The following RAB31 variants were observed in gnomAD, a reference collection of about 807,000 sequenced individuals.
The protein encoded by RAB31 is ras-related protein Rab-31.
Under a neutral mutation model 25.6 loss-of-function variants are expected in RAB31, and 21 were observed. That is an observed-to-expected ratio of 0.82 (90% CI 0.58 to 1.18). The LOEUF is 1.18. Among genes scored for constraint, RAB31 ranks in the 50% most tolerant of loss-of-function variants. The pLI is 0.00. For synonymous variants in RAB31, 87 were observed against 84.0 expected (o/e 1.04, Z -0.20); for missense variants, 196 against 250.1 (o/e 0.78, Z 1.46).
intron 5 of RAB31, among the ~76,000 whole-genome samples, chr18:9,835,298 G>A (rs561742266): frequency 6.6e-6 from 1 of 152,108 alleles, no homozygotes; most frequent in African/African-American, 2.4e-5. Context: ...ACGGCAGCTG[G>A]TATGATCCGC....
chr18:9,833,019 C>G (rs181991626), intron 5 of RAB31, among the ~76,000 whole-genome samples: 1 of 152,108 alleles, frequency 6.6e-6, no homozygotes, highest in East Asian at 1.9e-4. Flanking sequence ...CGCCTACTGC[C>G]TGGACCTCGA....
chr18:9,742,547 A>C (rs1021630837), intron 1 of RAB31, among the ~76,000 whole-genome samples: 1 of 152,160 alleles, frequency 6.6e-6, no homozygotes, highest in Non-Finnish European at 1.5e-5. Context: ...TTTGTTTTCT[A>C]ATAAAAGATG....
chr18:9,847,435 G>T (rs1187101478), intron 6 of RAB31, among the ~76,000 whole-genome samples: 1 of 152,156 alleles, frequency 6.6e-6, no homozygotes, highest in South Asian at 2.1e-4. Flanking sequence ...CTGGTGCCTT[G>T]TATGACCTGA....
intron 1 of RAB31, among the ~76,000 whole-genome samples, chr18:9,715,475 C>T (rs1394969232): frequency 6.6e-6 from 1 of 151,266 alleles, no homozygotes; most frequent in African/African-American, 2.4e-5. Context: ...TGAATGTCCC[C>T]TAGATTCAGC....
At chr18:9,756,235 T>C (rs1021720407) in intron 1 of RAB31, among the ~76,000 whole-genome samples, 2 of 152,236 alleles carry the variant, frequency 1.3e-5, no homozygotes, top group Non-Finnish European at 2.9e-5. Flanking sequence ...GACCCTGATA[T>C]AGTTAACCTT....
Position 9,708,782 on chromosome 18 carries a change from G to T in RAB31, c.39+338G>T, listed in dbSNP as rs953555329. Among the ~76,000 whole-genome samples, 1 of 152,088 alleles carries T rather than the reference G, an allele frequency of 6.6e-6. No individual in the cohort carries two copies. The highest frequency in any genetic ancestry group is 2.1e-4 in the South Asian group (1 of 4,830). On this transcript the variant is annotated intron_variant, in intron 1 of 6. Coordinates refer to ENST00000578921, the MANE Select transcript of RAB31 (RefSeq NM_006868.4). This position sits in a 1 kb window ranked among gnomAD's most constrained non-coding sequence, Gnocchi z 6.4. The stretch of plus-strand genomic sequence containing the variant: ...TTACTCCGCTCTTTCCTCCCGGCCC[G>T]CGAGTCCCCGGATCCGCGGCGACCT...
chr18:9,794,863 C>A (rs1488062513), intron 3 of RAB31, among the ~76,000 whole-genome samples: 8 of 151,920 alleles, frequency 5.3e-5, no homozygotes, highest in Admixed American at 4.6e-4. Context: ...CAACTACCAT[C>A]ATTCTTCACA....
chr18:9,792,137 T>A lies in RAB31; in HGVS notation c.120-17T>A, dbSNP rs1366558459. The stretch of plus-strand genomic sequence containing the variant: ...AAACAATGCAGTAATGTGGAGATGC[T>A]GACTCTCTTTTTTCAGGGCATCTTT... On this transcript the variant is annotated splice_polypyrimidine_tract_variant and intron_variant, in intron 2 of 6. Transcript: ENST00000578921. 6.2e-7 allele frequency: 1 copy of A among 1,602,768 alleles called. No individual in the cohort carries two copies. The highest frequency in any genetic ancestry group is 1.7e-5 in the Admixed American group (1 of 58,512).
At chr18:9,835,120 G>A (rs2068697524) in intron 5 of RAB31, among the ~76,000 whole-genome samples, 1 of 152,194 alleles carries the variant, frequency 6.6e-6, no homozygotes, top group Non-Finnish European at 1.5e-5. Context: ...GGTGGGTCAA[G>A]GGGTCGATCC....
intron 5 of RAB31, among the ~76,000 whole-genome samples, chr18:9,835,944 C>T (rs571920553): frequency 3.9e-5 from 6 of 152,058 alleles, no homozygotes; most frequent in South Asian, 4.1e-4. Flanking sequence ...GGGTGCTTGC[C>T]GGAACGGGGC....
intron 3 of RAB31, 47 bp from the exon 4 acceptor site, chr18:9,813,973 T>C (rs759396587): frequency 7.6e-7 from 1 of 1,323,656 alleles, no homozygotes; most frequent in Non-Finnish European, 1.1e-6. Flanking sequence ...TGGGATTGAA[T>C]AAAGTCTGTT....
rs887629745 is a variant in RAB31 at position 9,753,373 on chromosome 18, G to T, written c.40-21905G>T. ...TGGCATTAATGGCTTTATAAGGGGAGAAAGAAAGACCTGAGCTAACTCATC... is the reference window on the plus strand; with the variant it reads ...TGGCATTAATGGCTTTATAAGGGGATAAAGAAAGACCTGAGCTAACTCATC... On this transcript the variant is annotated intron_variant, in intron 1 of 6. Coordinates refer to ENST00000578921, the MANE Select transcript of RAB31 (RefSeq NM_006868.4). Among the ~76,000 whole-genome samples, 4 of 152,150 alleles carry T rather than the reference G, an allele frequency of 2.6e-5. No individual in the cohort carries two copies. The South Asian group carries it at 8.3e-4, about 31-fold the overall frequency.
At chr18:9,728,456 C>T (rs9963622) in intron 1 of RAB31, among the ~76,000 whole-genome samples, 89,730 of 152,086 alleles carry the variant, frequency 0.59, 27,321 homozygotes, top group Non-Finnish European at 0.67. Flanking sequence ...TCAAATATTG[C>T]GCCAATTTAC....
chr18:9,756,318 C>CAGGAA (rs2068260312), intron 1 of RAB31, among the ~76,000 whole-genome samples: 1 of 152,120 alleles, frequency 6.6e-6, no homozygotes, highest in Non-Finnish European at 1.5e-5. Context: ...AGTGTAGAGT[C>CAGGAA]AGGAAAGCAG....
intron 5 of RAB31, among the ~76,000 whole-genome samples, chr18:9,839,489 G>A (rs749205939): frequency 1.3e-5 from 2 of 152,206 alleles, no homozygotes; most frequent in African/African-American, 4.8e-5. Flanking sequence ...AAAGGCAATT[G>A]CGGGTGTCCC....
intron 2 of RAB31, among the ~76,000 whole-genome samples, chr18:9,780,524 C>T (rs899287119): frequency 9.2e-5 from 14 of 152,132 alleles, no homozygotes; most frequent in Non-Finnish European, 1.2e-4. Flanking sequence ...GTTATTTATT[C>T]AACATCATTT....
chr18:9,786,609 G>A (rs777830581), intron 2 of RAB31, among the ~76,000 whole-genome samples: 24 of 152,206 alleles, frequency 1.6e-4, no homozygotes, highest in Admixed American at 4.6e-4. Context: ...ACACCTAGCT[G>A]GTATCTGCTG....
At chr18:9,779,050 G>A (rs956841310) in intron 2 of RAB31, among the ~76,000 whole-genome samples, 5 of 152,176 alleles carry the variant, frequency 3.3e-5, no homozygotes, top group Non-Finnish European at 1.5e-5. Flanking sequence ...AGCAGGAAGA[G>A]GAGGGGTTGG....
Position 9,754,246 on chromosome 18 carries a change from G to GA in RAB31, c.40-21025dup, listed in dbSNP as rs944918230. 5.3e-5 allele frequency among the ~76,000 whole-genome samples: 8 copies of GA among 152,158 alleles called. 1 individual carries two copies. The highest frequency in any genetic ancestry group is 1.3e-4 in the Admixed American group (2 of 15,286). On this transcript the variant is annotated intron_variant, in intron 1 of 6. Coordinates refer to ENST00000578921, the MANE Select transcript of RAB31 (RefSeq NM_006868.4). ...AACAACTTTGGATTTCAAATACTGG[G>GA]AAAAAAATTGTGTCTGTACTGAACA...
Sources: allele counts gnomAD v4.1 joint callset (sites outside exome capture counted in the v4.1 genomes callset), GRCh38; gene constraint gnomAD v4.1.1; non-coding constraint Gnocchi (gnomAD v3.1); transcripts MANE v1.5; gene names NCBI Gene and HGNC (gene_info 2026-07-23, HGNC 2026-07-21).